Variants in CFAP299 observed in about 807,000 individuals in gnomAD.
The protein encoded by CFAP299 is cilia and flagella associated protein 299.
Under a neutral mutation model 27.0 loss-of-function variants are expected in CFAP299, and 21 were observed. The observed-to-expected ratio is 0.78, with a 90% CI of 0.55 to 1.12. The LOEUF is 1.12. CFAP299 is among the 50% of genes most tolerant of loss of function. The pLI, the probability that CFAP299 is intolerant of heterozygous loss-of-function variation, is 0.00. For synonymous variants in CFAP299, 104 were observed against 98.1 expected (o/e 1.06, Z -0.36); for missense variants, 310 against 276.6 (o/e 1.12, Z -0.86).
intron 2 of CFAP299, among the ~76,000 whole-genome samples, chr4:80,390,487 C>A (rs1364184196): frequency 7.2e-6 from 1 of 138,070 alleles, no homozygotes; most frequent in African/African-American, 2.9e-5. Flanking sequence ...TCCTCTCTCT[C>A]TCTCTATATA....
At chr4:80,481,776 G>A (rs962683506) in intron 2 of CFAP299, among the ~76,000 whole-genome samples, 13 of 152,060 alleles carry the variant, frequency 8.5e-5, no homozygotes, top group African/African-American at 2.9e-4. Flanking sequence ...ATATATTGGA[G>A]CTATTATATG....
intron 1 of CFAP299, among the ~76,000 whole-genome samples, chr4:80,341,517 TGGTGATACCTTCA>T (rs1205088426): frequency 6.6e-6 from 1 of 152,120 alleles, no homozygotes; most frequent in East Asian, 1.9e-4. Flanking sequence ...CAGCCTTCAC[TGGTGATACCTTCA>T]GGTAAGGGAA....
At chr4:80,400,143 A>T (rs1199748758) in intron 2 of CFAP299, among the ~76,000 whole-genome samples, 1 of 152,212 alleles carries the variant, frequency 6.6e-6, no homozygotes. Flanking sequence ...AATTAGATAT[A>T]TAAAGTTTCA....
intron 1 of CFAP299, among the ~76,000 whole-genome samples, chr4:80,350,760 A>C (rs541887643): frequency 6.6e-6 from 1 of 152,080 alleles, no homozygotes; most frequent in Non-Finnish European, 1.5e-5. Context: ...ACAGAGGGGA[A>C]TATTACACAC....
At chr4:80,712,308 A>G (rs1224935850) in intron 3 of CFAP299, among the ~76,000 whole-genome samples, 1 of 152,222 alleles carries the variant, frequency 6.6e-6, no homozygotes, top group Admixed American at 6.5e-5. Context: ...AAGTGTTACT[A>G]TTCATATTAG....
chr4:80,361,661 C>T (rs1723554222), intron 1 of CFAP299, among the ~76,000 whole-genome samples: 1 of 152,138 alleles, frequency 6.6e-6, no homozygotes, highest in Non-Finnish European at 1.5e-5. Flanking sequence ...AATGTATACA[C>T]ATTGCTTTGT....
chr4:80,868,807 A>G (rs910601714), intron 3 of CFAP299, among the ~76,000 whole-genome samples: 2 of 151,244 alleles, frequency 1.3e-5, no homozygotes, highest in African/African-American at 4.9e-5. Context: ...TGCTGGAGAA[A>G]TAAGTTTGGT....
At chr4:80,746,381 C>A (rs1167787003) in intron 3 of CFAP299, among the ~76,000 whole-genome samples, 1 of 151,998 alleles carries the variant, frequency 6.6e-6, no homozygotes, top group African/African-American at 2.4e-5. Context: ...TAATAAAAAT[C>A]TGTTATTAAA....
intron 3 of CFAP299, among the ~76,000 whole-genome samples, chr4:80,591,112 T>A (rs1736734567): frequency 4.6e-5 from 6 of 129,484 alleles, no homozygotes; most frequent in South Asian, 3.2e-4. Flanking sequence ...GAAATTTTTT[T>A]TTTTTTTTTT....
At chr4:80,872,094 G>A (rs1019782755) in intron 4 of CFAP299, 6 of 151,706 alleles carry the variant, frequency 4.0e-5, no homozygotes, top group African/African-American at 9.7e-5. Context: ...CAGTAAAATC[G>A]TGCTGTTTAT....
intron 3 of CFAP299, among the ~76,000 whole-genome samples, chr4:80,787,207 TATA>T (rs970062644): frequency 4.7e-5 from 7 of 148,114 alleles, no homozygotes; most frequent in Non-Finnish European, 7.4e-5. Flanking sequence ...AATATATATA[TATA>T]ATATTTTATA....
intron 3 of CFAP299, among the ~76,000 whole-genome samples, chr4:80,743,494 T>C (rs1174585785): frequency 6.6e-6 from 1 of 152,138 alleles, no homozygotes; most frequent in African/African-American, 2.4e-5. Flanking sequence ...ACTATAAATA[T>C]AAAAATATTA....
At chr4:80,510,588 G>A (rs1236557380) in intron 2 of CFAP299, among the ~76,000 whole-genome samples, 2 of 152,058 alleles carry the variant, frequency 1.3e-5, no homozygotes, top group South Asian at 2.1e-4. Context: ...GAGCATTCCC[G>A]CAACAGTACA....
At chr4:80,913,556 A>C (rs979896810) in intron 4 of CFAP299, among the ~76,000 whole-genome samples, 1 of 152,152 alleles carries the variant, frequency 6.6e-6, no homozygotes, top group Non-Finnish European at 1.5e-5. Flanking sequence ...GGTGGTGTGA[A>C]CTATGGCATT....
rs181893588 is a variant in CFAP299 at position 80,387,249 on chromosome 4, C to T, written c.242+24365C>T. The T allele has an allele frequency of 1.2e-5, 19 of 1,592,442 alleles. No homozygotes were observed. The East Asian group carries it at 2.2e-4, about 19-fold the overall frequency. ...GGTAAGTCCTTGTTGCAGAAGTGGC[C>T]GGGGTAGCTCAGCTCCTCCTGGTGG... On this transcript the variant is annotated intron_variant, in intron 2 of 5. Transcript: ENST00000358105.
At chr4:80,787,472 G>A (rs1023066963) in intron 3 of CFAP299, among the ~76,000 whole-genome samples, 1 of 151,716 alleles carries the variant, frequency 6.6e-6, no homozygotes, top group African/African-American at 2.4e-5. Flanking sequence ...TTTCTAAGAA[G>A]CAACTGAGTC....
At chr4:80,395,967 A>G (rs1005461707) in intron 2 of CFAP299, among the ~76,000 whole-genome samples, 1 of 152,138 alleles carries the variant, frequency 6.6e-6, no homozygotes, top group African/African-American at 2.4e-5. Context: ...ACAAATACAC[A>G]CACAATGTCT....
chr4:80,797,054 A>G (rs1727905553), intron 3 of CFAP299, among the ~76,000 whole-genome samples: 1 of 152,090 alleles, frequency 6.6e-6, no homozygotes. Flanking sequence ...CCCCTATTTT[A>G]ACTAGAGAAC....
intron 3 of CFAP299, among the ~76,000 whole-genome samples, chr4:80,805,997 A>C (rs1197904600): frequency 6.6e-6 from 1 of 152,214 alleles, no homozygotes; most frequent in Non-Finnish European, 1.5e-5. Context: ...GGAATTAATA[A>C]CATGTAAAAT....
Sources: allele counts gnomAD v4.1 joint callset (sites outside exome capture counted in the v4.1 genomes callset), GRCh38; gene constraint gnomAD v4.1.1; transcripts MANE v1.5; gene names NCBI Gene and HGNC (gene_info 2026-07-23, HGNC 2026-07-21).